CCSER1: variants seen among roughly 807,000 people sequenced by gnomAD.
CCSER1 encodes the protein coiled-coil serine rich protein 1, also known as serine-rich coiled-coil domain-containing protein 1.
A neutral mutation model predicts 82.0 loss-of-function variants in CCSER1; 41 were observed. The ratio of observed to expected loss-of-function variants is 0.50; its 90% CI spans 0.39 to 0.65. The LOEUF (loss-of-function observed/expected upper bound fraction) is 0.65. CCSER1 is among the 30% of genes least tolerant of loss of function. The pLI is 0.00. For synonymous variants in CCSER1, 414 were observed against 383.9 expected, an observed-to-expected ratio of 1.08 and a Z score of -0.92; for missense variants, 1,119 against 1,064.2, an observed-to-expected ratio of 1.05 and a Z score of -0.72.
intron 8 of CCSER1, among the ~76,000 whole-genome samples, chr4:90,842,602 C>T (rs1322652401): frequency 2.0e-5 from 3 of 152,262 alleles, no homozygotes; most frequent in African/African-American, 4.8e-5. Context: ...AGTAATTGAC[C>T]TGACATGTCT....
chr4:90,852,038 T>C (rs1012106806), intron 8 of CCSER1, among the ~76,000 whole-genome samples: 3 of 152,214 alleles, frequency 2.0e-5, no homozygotes, highest in Admixed American at 1.3e-4. Context: ...ACAGGAAAAG[T>C]TTAATATAAA....
Position 90,712,901 on chromosome 4 carries a change from C to CT in CCSER1, c.1933-11012dup, listed in dbSNP as rs201569899. ...TTTACCATTATATAATGTCCTTCGT[C>CT]TCTTTTTTTTTTTTTTAATCATTGT... is the stretch of plus-strand genomic sequence containing the variant. On this transcript the variant is annotated intron_variant, in intron 6 of 10. Transcript: ENST00000509176. Among the ~76,000 whole-genome samples the CT allele has an allele frequency of 1.4e-3, 176 of 128,904 alleles. 1 individual carries two copies. The highest frequency in any genetic ancestry group is 4.2e-3 in the African/African-American group (144 of 34,524). 84.6% of individuals were successfully genotyped at this position (128,904 alleles called of 152,430 possible).
intron 10 of CCSER1, among the ~76,000 whole-genome samples, chr4:91,443,580 A>T (rs1755350767): frequency 1.3e-5 from 2 of 151,292 alleles, no homozygotes; most frequent in Admixed American, 1.3e-4. Context: ...GGTGCAGCAC[A>T]CCAGCATGGC....
chr4:90,574,813 C>A (rs943848981), intron 5 of CCSER1, among the ~76,000 whole-genome samples: 1 of 151,882 alleles, frequency 6.6e-6, no homozygotes, highest in African/African-American at 2.4e-5. Flanking sequence ...CAAACGACAG[C>A]TACATAAATA....
intron 10 of CCSER1, among the ~76,000 whole-genome samples, chr4:91,371,801 C>A (rs780704064): frequency 7.2e-5 from 11 of 152,100 alleles, no homozygotes; most frequent in Non-Finnish European, 1.2e-4. Flanking sequence ...AAAGAAGAAA[C>A]CTATTCTACC....
chr4:91,062,909 A>G (rs1304779476), intron 9 of CCSER1, among the ~76,000 whole-genome samples: 1 of 152,106 alleles, frequency 6.6e-6, no homozygotes, highest in Non-Finnish European at 1.5e-5. Flanking sequence ...TACATATACT[A>G]ATGTATGTAG....
chr4:90,363,826 T>C (rs1485259530), intron 3 of CCSER1, among the ~76,000 whole-genome samples: 1 of 152,106 alleles, frequency 6.6e-6, no homozygotes, highest in African/African-American at 2.4e-5. Flanking sequence ...GGTCTGATGT[T>C]GCCAGGTAGA....
chr4:90,309,016 T>A lies in CCSER1; in HGVS notation c.732T>A (p.Ser244=). The A allele has an allele frequency of 6.2e-7, 1 of 1,613,824 alleles. No homozygotes were observed. The highest frequency in any genetic ancestry group is 1.1e-5 in the South Asian group (1 of 91,082). The change falls in exon 2 of 11, where the codon TCT becomes TCA. Residue 244 remains serine, a synonymous_variant. Coordinates refer to ENST00000509176, the MANE Select transcript of CCSER1 (RefSeq NM_001145065.2). ...VTERAGSSLQ[S]PLLSADLTTA... ...AACGGGCAGGAAGCTCTTTACAATC[T>A]CCTTTGCTTTCTGCTGATCTTACCA... is the stretch of plus-strand genomic sequence containing the variant.
At chr4:90,862,714 CTG>C (rs1459958770) in intron 8 of CCSER1, among the ~76,000 whole-genome samples, 3 of 151,808 alleles carry the variant, frequency 2.0e-5, no homozygotes, top group Non-Finnish European at 4.4e-5. Flanking sequence ...AGCCTTGATT[CTG>C]TGTTATGTAG....
intron 10 of CCSER1, among the ~76,000 whole-genome samples, chr4:91,226,799 T>A (rs1336004320): frequency 6.6e-6 from 1 of 151,904 alleles, no homozygotes; most frequent in East Asian, 1.9e-4. Context: ...ATACAGGAAA[T>A]CATTGTGTGG....
chr4:90,946,083 TAAG>T (rs1257743446), intron 9 of CCSER1, among the ~76,000 whole-genome samples: 1 of 152,178 alleles, frequency 6.6e-6, no homozygotes, highest in Non-Finnish European at 1.5e-5. Flanking sequence ...AAAATTTTAA[TAAG>T]ATAACTTTTT....
chr4:90,513,809 G>T (rs951803828), intron 5 of CCSER1, among the ~76,000 whole-genome samples: 3 of 152,054 alleles, frequency 2.0e-5, no homozygotes, highest in Non-Finnish European at 4.4e-5. Context: ...AAGGTGTGAG[G>T]GACATGATGG....
intron 5 of CCSER1, among the ~76,000 whole-genome samples, chr4:90,608,926 A>G (rs975088599): frequency 2.0e-5 from 3 of 152,090 alleles, no homozygotes; most frequent in Non-Finnish European, 4.4e-5. Flanking sequence ...CTCTATACAT[A>G]AATCTTCACC....
chr4:90,617,665 C>G (rs1721539598), intron 5 of CCSER1, among the ~76,000 whole-genome samples: 1 of 152,088 alleles, frequency 6.6e-6, no homozygotes. Flanking sequence ...AGCCATGTAT[C>G]ATGTTTATAC....
intron 10 of CCSER1, among the ~76,000 whole-genome samples, chr4:91,574,296 G>C (rs1763335286): frequency 6.6e-6 from 1 of 152,074 alleles, no homozygotes; most frequent in South Asian, 2.1e-4. Context: ...TTCAGTGTTG[G>C]TGGAAATTTA....
At chr4:90,565,126 A>C (rs150874593) in intron 5 of CCSER1, among the ~76,000 whole-genome samples, 27 of 151,762 alleles carry the variant, frequency 1.8e-4, no homozygotes, top group African/African-American at 5.6e-4. Flanking sequence ...TGGATGCTTT[A>C]ATAATATTAA....
intron 10 of CCSER1, among the ~76,000 whole-genome samples, chr4:91,370,071 T>C (rs1330178180): frequency 2.0e-5 from 3 of 151,560 alleles, no homozygotes; most frequent in Non-Finnish European, 4.4e-5. Flanking sequence ...ACTAGTCTAT[T>C]TAACCATGTA....
At chr4:90,238,671 TAC>T in intron 1 of CCSER1, among the ~76,000 whole-genome samples, 1 of 152,158 alleles carries the variant, frequency 6.6e-6, no homozygotes, top group African/African-American at 2.4e-5. Flanking sequence ...CGTGCGCACA[TAC>T]ACACACATAC....
rs545669243 is a variant in CCSER1, at chr4:91,153,096, G to A, written c.2217+67102G>A. On this transcript the variant is annotated intron_variant, in intron 10 of 10. Coordinates refer to ENST00000509176, the MANE Select transcript of CCSER1 (RefSeq NM_001145065.2). Reference sequence around the variant, plus strand: ...GGGAAGTTCTCCTGGATAATATCCCGCAGAGTGTTTTCCAACTTGGTTCCA... The same window carrying A: ...GGGAAGTTCTCCTGGATAATATCCCACAGAGTGTTTTCCAACTTGGTTCCA... Among the ~76,000 whole-genome samples the A allele has an allele frequency of 3.0e-3, 451 of 151,998 alleles. 2 individuals are homozygous for A. The highest frequency in any genetic ancestry group is 0.01 in the African/African-American group (420 of 41,506).
Sources: gnomAD v4.1 joint callset for allele counts (sites outside exome capture counted in the v4.1 genomes callset) on GRCh38, gnomAD v4.1.1 for gene constraint, MANE v1.5 for transcripts, NCBI Gene and HGNC (gene_info 2026-07-23, HGNC 2026-07-21) for gene names.